Variants in NEB observed in about 807,000 individuals in gnomAD.
NEB encodes nebulin.
In NEB, 512 loss-of-function variants were observed where a neutral mutation model predicts 952.2. That is an observed-to-expected ratio of 0.54 (90% CI 0.50 to 0.58). The LOEUF is 0.58. Ranked by LOEUF, NEB falls within the 20% of genes least tolerant of loss-of-function variation. The probability of loss-of-function intolerance (pLI) is 0.00; values close to 1 mark genes in which losing one functional copy is unlikely to be tolerated. For synonymous variants in NEB, 2,900 were observed against 3,149.8 expected (o/e 0.92, Z 2.66); for missense variants, 8,428 against 9,231.1 (o/e 0.91, Z 3.56).
At chr2:151,526,541 C>T (rs2086125503) in intron 148 of NEB, among the ~76,000 whole-genome samples, 1 of 152,126 alleles carries the variant, frequency 6.6e-6, no homozygotes, top group Non-Finnish European at 1.5e-5. Flanking sequence ...TCCCATAAGC[C>T]CTCCATGAGC....
chr2:151,718,978 C>G (rs2099766895), intron 9 of NEB, among the ~76,000 whole-genome samples: 1 of 152,206 alleles, frequency 6.6e-6, no homozygotes, highest in Non-Finnish European at 1.5e-5. Context: ...CTCTCCCCAT[C>G]TGTCTGCAAA....
At chr2:151,591,205 AGTTG>A (rs2097249919) in intron 96 of NEB, 139 bp downstream of exon 96, 2 of 561,410 alleles carry the variant, frequency 3.6e-6, no homozygotes, top group Non-Finnish European at 6.7e-6. Context: ...AGATTGTAAG[AGTTG>A]TTCTTGAATT....
At chr2:151,523,877 G>C (rs753245846) in intron 153 of NEB, among the ~76,000 whole-genome samples, 2 of 152,040 alleles carry the variant, frequency 1.3e-5, no homozygotes, top group Non-Finnish European at 2.9e-5. Context: ...GTTAATATAT[G>C]TATGTTTAAT....
chr2:151,560,536 G>T, intron 124 of NEB, 56 bp downstream of exon 124: 1 of 1,300,244 alleles, frequency 7.7e-7, no homozygotes, highest in Non-Finnish European at 1.1e-6. Context: ...TCTTGGAGTG[G>T]AGAGCAGGGG....
chr2:151,697,314 T>A, intron 15 of NEB, 36 bp downstream of exon 15: 1 of 1,610,744 alleles, frequency 6.2e-7, no homozygotes, highest in Non-Finnish European at 8.5e-7. Flanking sequence ...GAGAAAAATG[T>A]TATTTGGAAA....
chr2:151,639,702 T>A, intron 62 of NEB, among the ~76,000 whole-genome samples, 155 bp downstream of exon 62: 1 of 152,190 alleles, frequency 6.6e-6, no homozygotes, highest in East Asian at 1.9e-4. Flanking sequence ...ATGATATATA[T>A]CAGTTATTAA....
At chr2:151,562,019 G>A in intron 121 of NEB, 91 bp downstream of exon 121, 1 of 987,370 alleles carries the variant, frequency 1.0e-6, no homozygotes, top group Non-Finnish European at 1.6e-6. Context: ...CACTGTTACA[G>A]CAACTTTCTT....
In NEB at chr2:151,614,261, A is replaced by T. The variant is rs747440264; in HGVS notation, c.11601+15T>A. ...CTTTTCTAAACCATTACTGAAGAAT[A>T]TTAGAGCCACTCACATCACTCTGCA... On this transcript the variant is annotated intron_variant, in intron 77 of 181. Coordinates refer to ENST00000397345, the MANE Select transcript of NEB (RefSeq NM_001164508.2). 2.5e-6 allele frequency: 4 copies of T among 1,610,220 alleles called. No homozygotes were observed. The South Asian group carries it at 4.4e-5, about 18-fold the overall frequency.
At chr2:151,729,203 A>G (rs549926192) in intron 4 of NEB, among the ~76,000 whole-genome samples, 6 of 152,282 alleles carry the variant, frequency 3.9e-5, no homozygotes, top group African/African-American at 1.4e-4. Flanking sequence ...GGTGGCAGAG[A>G]TGGTGTCCTA....
chr2:151,706,595 C>T (rs890815970), intron 13 of NEB, among the ~76,000 whole-genome samples: 2 of 152,050 alleles, frequency 1.3e-5, no homozygotes, highest in Admixed American at 6.6e-5. Flanking sequence ...CCCAGGTGCC[C>T]GGAGCTCATA....
At chr2:151,503,100 T>A in intron 166 of NEB, 1 of 588,340 alleles carries the variant, frequency 1.7e-6, no homozygotes, top group Non-Finnish European at 3.0e-6. Context: ...CATTAAGTTA[T>A]ATAACGCTGA....
rs368148074 is a variant in NEB at position 151,644,485 on chromosome 2, G to A, written c.7627C>T (p.Arg2543Trp). 3.7e-5 allele frequency: 60 copies of A among 1,613,078 alleles called. No individual in the cohort carries two copies. The highest frequency in any genetic ancestry group is 6.6e-5 in the South Asian group (6 of 91,060). Residue 2543 changes from arginine (R) to tryptophan (W), a missense_variant, in exon 56 of 182, where the codon CGG (arginine) becomes TGG (tryptophan). Physicochemically the swap from Arg to Trp is moderately radical, Grantham distance 101 (BLOSUM62 -3). Coordinates refer to ENST00000397345, the MANE Select transcript of NEB (RefSeq NM_001164508.2). ...AATCTTACTTCACTGGCAATTTCCC[G>A]GGAGGCTTTTGCTGCTTTGATTGGT... ...AIPIKAAKAS[R>W]EIASEYKYKE...
At position 151,690,777 on chromosome 2, in the gene NEB, C is replaced by A. The variant is rs1277594144; in HGVS notation, c.2260G>T (p.Asp754Tyr). 6.3e-7 allele frequency: 1 copy of A among 1,599,118 alleles called. No individual in the cohort carries two copies. The highest frequency in any genetic ancestry group is 2.2e-5 in the East Asian group (1 of 44,540). Reference protein sequence around the residue: ...PDKTKFTAVTDSPVLLQAQLN... With the variant: ...PDKTKFTAVTYSPVLLQAQLN... The stretch of plus-strand genomic sequence containing the variant: ...TGGGCTTGCAACAGTACAGGAGAAT[C>A]AGTGACTGCCGTGAATTTGGTCTTA... Residue 754 changes from aspartate to tyrosine, a missense_variant, in exon 24 of 182, where the codon GAT becomes TAT. By Grantham distance (160) the Asp-to-Tyr change is radical (BLOSUM62 -3). This residue lies in a region of NEB where 2,851 missense variants were observed against 2,791.5 expected (regional missense o/e 1.02). Coordinates refer to ENST00000397345, the MANE Select transcript of NEB (RefSeq NM_001164508.2).
At chr2:151,703,354 C>T (rs992418130) in intron 13 of NEB, among the ~76,000 whole-genome samples, 6 of 41,948 alleles carry the variant, frequency 1.4e-4, no homozygotes, top group African/African-American at 4.5e-4. Context: ...TTGCTCTTCT[C>T]AAGGAGTATC....
At chr2:151,571,141 G>A (rs935423556) in intron 107 of NEB, among the ~76,000 whole-genome samples, 1 of 152,152 alleles carries the variant, frequency 6.6e-6, no homozygotes, top group African/African-American at 2.4e-5. Flanking sequence ...GAGTAGCTGG[G>A]ATTACAGGCA....
intron 167 of NEB, 83 bp downstream of exon 167, chr2:151,502,710 A>G (rs2065652207): frequency 1.3e-6 from 1 of 781,172 alleles, no homozygotes; most frequent in South Asian, 1.6e-5. Context: ...CATTATATGA[A>G]TTTAGTAATT....
chr2:151,731,145 T>G (rs1188921390), intron 3 of NEB, among the ~76,000 whole-genome samples: 1 of 152,212 alleles, frequency 6.6e-6, no homozygotes, highest in Non-Finnish European at 1.5e-5. Flanking sequence ...AGCATCCAAG[T>G]TTAAAAGCAG....
intron 28 of NEB, 149 bp downstream of exon 28, chr2:151,684,629 A>G (rs879536273): frequency 9.5e-6 from 6 of 630,302 alleles, no homozygotes; most frequent in Non-Finnish European, 1.5e-5. Context: ...CTTGAAGGGC[A>G]TGCTCTTATA....
At chr2:151,511,171 C>T (rs2073974377) in intron 161 of NEB, among the ~76,000 whole-genome samples, 1 of 152,238 alleles carries the variant, frequency 6.6e-6, no homozygotes, top group Non-Finnish European at 1.5e-5. Context: ...GTGAGGCTCT[C>T]ACAGCCCAAA....
Sources: allele counts gnomAD v4.1 joint callset (sites outside exome capture counted in the v4.1 genomes callset), GRCh38; gene constraint gnomAD v4.1.1; regional missense constraint gnomAD v4.1.1; transcripts MANE v1.5; gene names NCBI Gene and HGNC (gene_info 2026-07-23, HGNC 2026-07-21).